Variants in TEX9 observed in about 807,000 individuals in gnomAD.
The protein encoded by TEX9 is testis-expressed protein 9.
TEX9 carries 74 observed loss-of-function variants against 59.6 expected under a neutral mutation model. That is an observed-to-expected ratio of 1.24 (90% CI 1.03 to 1.51). The LOEUF is 1.51. Ranked by LOEUF, TEX9 falls within the 40% of genes most tolerant of loss-of-function variation. The pLI, the probability that TEX9 is intolerant of heterozygous loss-of-function variation, is 0.00. For missense variants in TEX9, 522 were observed against 447.8 expected (o/e 1.17, Z -1.49); for synonymous variants, 186 against 152.2 (o/e 1.22, Z -1.64).
chr15:56,322,043 G>A (rs1283345480), intron 1 of TEX9, among the ~76,000 whole-genome samples: 1 of 152,018 alleles, frequency 6.6e-6, no homozygotes, highest in Non-Finnish European at 1.5e-5. Context: ...ATTCATATAA[G>A]TATACAGCAC....
the TEX9 span, among the ~76,000 whole-genome samples, chr15:56,457,715 T>G: frequency 1.3e-5 from 2 of 151,550 alleles, no homozygotes; most frequent in Non-Finnish European, 2.9e-5. Flanking sequence ...ATCAGGAGGT[T>G]GAGGTAGGAG....
chr15:56,401,822 G>A (rs1318699455), intron 9 of TEX9, among the ~76,000 whole-genome samples: 1 of 152,172 alleles, frequency 6.6e-6, no homozygotes, highest in Non-Finnish European at 1.5e-5. Context: ...TCAGGATTAA[G>A]AAACTCACTC....
intron 10 of TEX9, among the ~76,000 whole-genome samples, chr15:56,420,364 G>A (rs77691327): frequency 0.058 from 8,829 of 151,018 alleles, 702 homozygotes; most frequent in East Asian, 0.37. Context: ...GTGGAGTGCA[G>A]TGGCGCAAAC....
intron 1 of TEX9, among the ~76,000 whole-genome samples, chr15:56,300,869 C>T (rs548622068): frequency 6.6e-6 from 1 of 152,284 alleles, no homozygotes; most frequent in Admixed American, 6.5e-5. Flanking sequence ...ACTTGGAAAG[C>T]TTTCCTAAGA....
intron 1 of TEX9, among the ~76,000 whole-genome samples, chr15:56,300,442 G>C (rs776300756): frequency 1.3e-5 from 2 of 152,224 alleles, no homozygotes; most frequent in East Asian, 1.9e-4. Flanking sequence ...GGTGGAGCTT[G>C]TTGCCTTGAA....
intron 1 of TEX9, among the ~76,000 whole-genome samples, chr15:56,258,686 C>T (rs2044197094): frequency 6.6e-6 from 1 of 151,796 alleles, no homozygotes; most frequent in Non-Finnish European, 1.5e-5. Context: ...GTACTAATAT[C>T]TGAGTATGGT....
upstream of TEX9, among the ~76,000 whole-genome samples, chr15:56,364,843 C>T (rs2046867178): frequency 6.6e-6 from 1 of 152,152 alleles, no homozygotes; most frequent in Admixed American, 6.5e-5. Context: ...ATCCTAAGCA[C>T]GAATTCATTT....
At chr15:56,458,164 A>AT in the TEX9 span, among the ~76,000 whole-genome samples, 1 of 152,206 alleles carries the variant, frequency 6.6e-6, no homozygotes, top group African/African-American at 2.4e-5. Context: ...GGTACATGTT[A>AT]TTTTTTAATA....
At chr15:56,266,793 G>C (rs1181546933) in intron 1 of TEX9, among the ~76,000 whole-genome samples, 1 of 152,194 alleles carries the variant, frequency 6.6e-6, no homozygotes, top group Non-Finnish European at 1.5e-5. Flanking sequence ...ACATACGTGT[G>C]CATATGTCTT....
rs1246239840 is a variant in TEX9, at chr15:56,391,419, G to A, written c.571+1G>A. The A allele has an allele frequency of 5.3e-6, 8 of 1,495,762 alleles. No individual in the cohort carries two copies. Among genetic ancestry groups the A allele is most frequent in the Non-Finnish European group, 7.1e-6 (8 of 1,121,288 alleles). 92.7% of individuals were successfully genotyped at this position (1,495,762 alleles called of 1,614,324 possible). A position where few individuals can be genotyped will look rare whatever the true frequency, so the allele number is the denominator to read the frequency against. ...GGTGTTAGTAATGACATTGGAACAG[G>A]TAGATTTTCTTTAGTTTTTTATTTT... is the stretch of plus-strand genomic sequence containing the variant. On this transcript the variant is annotated splice_donor_variant, in intron 7 of 12. Coordinates refer to ENST00000352903, the Ensembl canonical transcript of TEX9. LOFTEE classifies it high-confidence loss of function.
At chr15:56,305,103 A>C (rs1216449967) in intron 1 of TEX9, among the ~76,000 whole-genome samples, 1 of 152,238 alleles carries the variant, frequency 6.6e-6, no homozygotes, top group African/African-American at 2.4e-5. Context: ...AGTAAAAACT[A>C]TAAAACACTG....
In TEX9 at chr15:56,412,297, TA is replaced by T; in HGVS notation, c.829-4del. 6.3e-7 allele frequency: 1 copy of T among 1,598,520 alleles called. No homozygotes were observed. The highest frequency in any genetic ancestry group is 1.4e-5 in the African/African-American group (1 of 73,672). ...AAATGTTCCATAATCTTTTTTACTA[TA>T]CAGGAATTAGAAAATAAAAGAAGAC... is the stretch of plus-strand genomic sequence containing the variant. On this transcript the variant is annotated splice_polypyrimidine_tract_variant and splice_region_variant and intron_variant, in intron 9 of 12. Coordinates refer to ENST00000352903, the Ensembl canonical transcript of TEX9.
At chr15:56,447,667 A>G (rs2050917008), downstream of TEX9, 1 of 152,204 alleles carries the variant, frequency 6.6e-6, no homozygotes, top group Non-Finnish European at 1.5e-5. Flanking sequence ...ACTGATCTAC[A>G]ATATTCAATA....
chr15:56,315,536 C>G (rs1329314392), intron 1 of TEX9, among the ~76,000 whole-genome samples: 80 of 146,454 alleles, frequency 5.5e-4, no homozygotes, highest in Middle Eastern at 3.5e-3. Flanking sequence ...AGTCTGATGG[C>G]CTTCCCTTTG....
intron 1 of TEX9, among the ~76,000 whole-genome samples, chr15:56,357,557 C>A (rs2046707271): frequency 6.6e-6 from 1 of 152,076 alleles, no homozygotes; most frequent in African/African-American, 2.4e-5. Flanking sequence ...TTCTTGAAAT[C>A]CGATTTTTTT....
chr15:56,402,265 G>A (rs2048831132), intron 9 of TEX9, among the ~76,000 whole-genome samples: 1 of 152,208 alleles, frequency 6.6e-6, no homozygotes. Flanking sequence ...AGAAAATAGA[G>A]AAGAATCAAA....
chr15:56,286,387 A>C (rs994838700), intron 1 of TEX9, among the ~76,000 whole-genome samples: 4 of 152,228 alleles, frequency 2.6e-5, no homozygotes, highest in African/African-American at 9.6e-5. Context: ...TGTGGGGTCC[A>C]GAGATGAGGC....
rs559206666 is a variant in TEX9 at position 56,304,530 on chromosome 15, T to C, written c.-107+60252T>C. ...GTTTTTGTCCTTCATTCTGTTGATA[T>C]GATGTATCACATTGATTGATCTGTG... On this transcript the variant is annotated intron_variant, in intron 1 of 5. Transcript: ENST00000560827. 1.1e-4 allele frequency among the ~76,000 whole-genome samples: 16 copies of C among 152,340 alleles called. No individual in the cohort carries two copies. In the South Asian group the frequency reaches 3.1e-3, roughly 30 times the overall value.
intron 1 of TEX9, among the ~76,000 whole-genome samples, chr15:56,273,573 G>A (rs2044599952): frequency 6.6e-6 from 1 of 152,046 alleles, no homozygotes; most frequent in Non-Finnish European, 1.5e-5. Flanking sequence ...TTTTATCTTT[G>A]TCATTTCTTT....
Sources: gnomAD v4.1 joint callset for allele counts (sites outside exome capture counted in the v4.1 genomes callset) on GRCh38, gnomAD v4.1.1 for gene constraint, MANE v1.5 for transcripts, NCBI Gene and HGNC (gene_info 2026-07-23, HGNC 2026-07-21) for gene names.